The following DAB1 variants were observed in gnomAD, a reference collection of about 807,000 sequenced individuals.
DAB1 encodes the protein DAB adaptor protein 1, also known as disabled homolog 1.
Under a neutral mutation model 64.6 loss-of-function variants are expected in DAB1, and 15 were observed. The observed-to-expected ratio is 0.23, with a 90% CI of 0.16 to 0.36. The LOEUF is 0.36. Among genes scored for constraint, DAB1 ranks in the 10% least tolerant of loss-of-function variants. The probability of loss-of-function intolerance (pLI) is 1.00; values close to 1 mark genes in which losing one functional copy is unlikely to be tolerated. For missense variants in DAB1, 596 were observed against 706.7 expected (o/e 0.84, Z 1.78); for synonymous variants, 235 against 251.9 (o/e 0.93, Z 0.64).
chr1:58,226,147 A>G (rs957027676), intron 4 of DAB1, among the ~76,000 whole-genome samples: 1 of 152,060 alleles, frequency 6.6e-6, no homozygotes, highest in African/African-American at 2.4e-5. Context: ...TCTCCAAGTC[A>G]TGGTATCTCC....
intron 1 of DAB1, among the ~76,000 whole-genome samples, chr1:57,376,479 C>T (rs546343154): frequency 1.2e-4 from 18 of 152,360 alleles, no homozygotes; most frequent in African/African-American, 2.2e-4. Context: ...TTAAGCTTCA[C>T]GATGCAGGAA....
chr1:58,543,038 T>C (rs1646646226), intron 1 of DAB1, among the ~76,000 whole-genome samples: 1 of 151,626 alleles, frequency 6.6e-6, no homozygotes, highest in South Asian at 2.1e-4. Flanking sequence ...CTATTAAGTG[T>C]AGACAGAAGA....
At chr1:57,656,355 T>C (rs1207245542) in intron 6 of DAB1, among the ~76,000 whole-genome samples, 1 of 145,626 alleles carries the variant, frequency 6.9e-6, no homozygotes, top group East Asian at 1.9e-4. Flanking sequence ...AAAGTAATTG[T>C]GTGTGTGTGT....
chr1:57,415,062 C>T (rs931966394), intron 1 of DAB1, among the ~76,000 whole-genome samples: 1 of 152,148 alleles, frequency 6.6e-6, no homozygotes, highest in African/African-American at 2.4e-5. Flanking sequence ...ACTCTTGAGA[C>T]ACTTTTGCAG....
intron 3 of DAB1, among the ~76,000 whole-genome samples, chr1:58,495,315 T>C (rs908507563): frequency 2.0e-5 from 3 of 152,100 alleles, no homozygotes; most frequent in African/African-American, 7.2e-5. Context: ...ATATACCTAA[T>C]GTTAAATGAC....
chr1:58,136,884 A>G (rs993047401), intron 5 of DAB1, among the ~76,000 whole-genome samples: 4 of 152,238 alleles, frequency 2.6e-5, no homozygotes, highest in African/African-American at 9.6e-5. Flanking sequence ...AAAATTTTAT[A>G]CTAGAGCTGT....
At chr1:58,013,961 A>ACTT (rs1354303612) in intron 5 of DAB1, among the ~76,000 whole-genome samples, 1 of 150,604 alleles carries the variant, frequency 6.6e-6, no homozygotes. Flanking sequence ...TGGTAATAAC[A>ACTT]CTTTTAGTAA....
At chr1:57,864,115 C>T (rs1281728936) in intron 1 of DAB1, among the ~76,000 whole-genome samples, 2 of 152,098 alleles carry the variant, frequency 1.3e-5, no homozygotes, top group African/African-American at 2.4e-5. Context: ...AAGGCAGGGG[C>T]CTATTTGACA....
intron 6 of DAB1, among the ~76,000 whole-genome samples, chr1:57,755,201 G>A (rs560399453): frequency 6.6e-6 from 1 of 152,140 alleles, no homozygotes; most frequent in East Asian, 1.9e-4. Context: ...TTTAGGCCCA[G>A]TTTGTCAATT....
chr1:57,766,826 A>C (rs1328808644), intron 6 of DAB1, among the ~76,000 whole-genome samples: 1 of 115,612 alleles, frequency 8.6e-6, no homozygotes, highest in African/African-American at 2.9e-5. Context: ...CTTCTGTCTA[A>C]CTTGGATACA....
chr1:57,439,421 T>TTTTTTTTTTTTTTTTTTTTGTTTTTTG (rs1558381279), intron 7 of DAB1, among the ~76,000 whole-genome samples: 1 of 118,940 alleles, frequency 8.4e-6, no homozygotes, highest in Admixed American at 7.9e-5. Context: ...TGATGAGGTT[T>TTTTTTTTTTTTTTTTTTTTGTTTTTTG]TTTCTTTTTT....
chr1:57,476,937 G>A (rs1643945953), intron 7 of DAB1, among the ~76,000 whole-genome samples: 1 of 152,130 alleles, frequency 6.6e-6, no homozygotes, highest in Admixed American at 6.5e-5. Flanking sequence ...TTTACTTAAT[G>A]GGTCTGTCAC....
intron 6 of DAB1, among the ~76,000 whole-genome samples, chr1:57,747,962 G>A (rs532135827): frequency 2.8e-4 from 43 of 152,152 alleles, no homozygotes; most frequent in South Asian, 1.0e-3. Flanking sequence ...GCTATAGAAG[G>A]AAAGAGGAAG....
chr1:57,730,682 G>A (rs959764193), intron 6 of DAB1, among the ~76,000 whole-genome samples: 7 of 152,216 alleles, frequency 4.6e-5, no homozygotes, highest in African/African-American at 1.7e-4. Flanking sequence ...TTCAGGACAA[G>A]ACTGGGCTTT....
intron 7 of DAB1, among the ~76,000 whole-genome samples, chr1:57,629,147 G>A (rs144104522): frequency 1.1e-3 from 165 of 152,300 alleles, no homozygotes; most frequent in African/African-American, 3.6e-3. Context: ...CAATTCTTAT[G>A]AGTAGTTCTC....
intron 1 of DAB1, among the ~76,000 whole-genome samples, chr1:58,531,697 A>G (rs1404108474): frequency 7.8e-6 from 1 of 128,342 alleles, no homozygotes; most frequent in African/African-American, 2.8e-5. Context: ...TGTGTTTTGA[A>G]AAACAATTAT....
intron 7 of DAB1, among the ~76,000 whole-genome samples, chr1:57,615,162 G>A (rs556989857): frequency 2.0e-5 from 3 of 152,066 alleles, no homozygotes; most frequent in Non-Finnish European, 4.4e-5. Flanking sequence ...GAGCCACTGC[G>A]CCCGGCCTCT....
chr1:57,148,182 A>C (rs1401704630), intron 2 of DAB1, among the ~76,000 whole-genome samples: 1 of 152,230 alleles, frequency 6.6e-6, no homozygotes, highest in East Asian at 1.9e-4. Flanking sequence ...TCAGATACAA[A>C]GAAGCCTTAA....
Position 57,172,544 on chromosome 1 carries a change from C to T in DAB1, c.68-27115G>A, listed in dbSNP as rs1221233143. On this transcript the variant is annotated intron_variant, in intron 2 of 14. Transcript: ENST00000371236. ...TTTATTTGGCTCATGGTTCTGCAGG[C>T]TGTAGATAGACTGAAGCATAGACAG... Among the ~76,000 whole-genome samples, 4 of 152,132 alleles carry T rather than the reference C, an allele frequency of 2.6e-5. No homozygotes were observed. In the East Asian group the frequency reaches 7.7e-4, roughly 29 times the overall value.
Sources: allele counts gnomAD v4.1 joint callset (sites outside exome capture counted in the v4.1 genomes callset), GRCh38; gene constraint gnomAD v4.1.1; transcripts MANE v1.5; gene names NCBI Gene and HGNC (gene_info 2026-07-23, HGNC 2026-07-21).